The following PLXDC2 variants were observed in gnomAD, a reference collection of about 807,000 sequenced individuals.
PLXDC2 encodes the protein plexin domain-containing protein 2.
In PLXDC2, 40 loss-of-function variants were observed where a neutral mutation model predicts 68.9. The ratio of observed to expected loss-of-function variants is 0.58; its 90% CI spans 0.45 to 0.76. The LOEUF (loss-of-function observed/expected upper bound fraction) is 0.76. Among genes scored for constraint, PLXDC2 ranks in the 30% least tolerant of loss-of-function variants. The pLI, the probability that PLXDC2 is intolerant of heterozygous loss-of-function variation, is 0.00. For synonymous variants in PLXDC2, 243 were observed against 234.2 expected (o/e 1.04, Z -0.34); for missense variants, 644 against 661.9 (o/e 0.97, Z 0.30).
chr10:20,082,070 A>AAAAAAAAAAAAG (rs1554765383), intron 4 of PLXDC2, among the ~76,000 whole-genome samples: 1 of 121,932 alleles, frequency 8.2e-6, no homozygotes, highest in Non-Finnish European at 1.8e-5. Context: ...AAATCAAAAA[A>AAAAAAAAAAAAG]AAAAAACAGG....
intron 2 of PLXDC2, among the ~76,000 whole-genome samples, chr10:20,025,713 G>A (rs1835388630): frequency 6.6e-6 from 1 of 151,874 alleles, no homozygotes; most frequent in Admixed American, 6.6e-5. Flanking sequence ...TTCTATTCAA[G>A]TCTTTTGCCC....
intron 3 of PLXDC2, among the ~76,000 whole-genome samples, chr10:20,047,460 T>C (rs1378579683): frequency 6.6e-6 from 1 of 152,128 alleles, no homozygotes; most frequent in African/African-American, 2.4e-5. Context: ...TTAGATAACA[T>C]ATATAGACCA....
chr10:20,145,220 T>C (rs987484921), intron 5 of PLXDC2, among the ~76,000 whole-genome samples: 4 of 152,224 alleles, frequency 2.6e-5, no homozygotes, highest in African/African-American at 9.6e-5. Flanking sequence ...TTCTGTGTAA[T>C]GACTTATTCC....
chr10:19,915,677 TC>T (rs1469007878), intron 1 of PLXDC2, among the ~76,000 whole-genome samples: 1 of 152,086 alleles, frequency 6.6e-6, no homozygotes, highest in Non-Finnish European at 1.5e-5. Context: ...CATCTTGAGG[TC>T]CCTAGAAACT....
chr10:20,159,470 C>T (rs1564336744), intron 6 of PLXDC2, among the ~76,000 whole-genome samples: 1 of 152,078 alleles, frequency 6.6e-6, no homozygotes, highest in Non-Finnish European at 1.5e-5. Flanking sequence ...AGCATGGCAC[C>T]TTCTCTTACC....
intron 3 of PLXDC2, among the ~76,000 whole-genome samples, chr10:20,047,449 C>G (rs531674533): frequency 9.9e-5 from 15 of 151,926 alleles, no homozygotes; most frequent in African/African-American, 3.6e-4. Context: ...TCATTTATGA[C>G]TTAGATAACA....
intron 11 of PLXDC2, 54 bp downstream of exon 11, chr10:20,217,630 A>C: frequency 7.1e-7 from 1 of 1,417,122 alleles, no homozygotes; most frequent in Middle Eastern, 2.3e-4. Context: ...TTTTTCCCTG[A>C]AGGAAGGAAA....
chr10:20,124,145 A>T (rs1296216720), intron 4 of PLXDC2, among the ~76,000 whole-genome samples: 1 of 152,150 alleles, frequency 6.6e-6, no homozygotes, highest in Non-Finnish European at 1.5e-5. Flanking sequence ...CACCTCTGAA[A>T]CATGGGTAAA....
Position 20,243,469 on chromosome 10 carries a change from G to A in PLXDC2, c.1313-1876G>A, listed in dbSNP as rs1257514071. Reference sequence around the variant, plus strand: ...ATCTTTAGAATTTTCAGCCTTACTAGATTTGGAGAAGGATAACTGAACACC... The same window carrying A: ...ATCTTTAGAATTTTCAGCCTTACTAAATTTGGAGAAGGATAACTGAACACC... On this transcript the variant is annotated intron_variant, in intron 12 of 13. Transcript: ENST00000377252. Among the ~76,000 whole-genome samples, 4 of 152,042 alleles carry A rather than the reference G, an allele frequency of 2.6e-5. No individual in the cohort carries two copies. The South Asian group carries it at 8.3e-4, about 32-fold the overall frequency.
At chr10:20,184,456 C>A (rs559147191) in intron 9 of PLXDC2, among the ~76,000 whole-genome samples, 1 of 150,316 alleles carries the variant, frequency 6.7e-6, no homozygotes, top group African/African-American at 2.4e-5. Flanking sequence ...TATTATATTT[C>A]AAAAAATCTG....
At position 20,147,771 on chromosome 10, in the gene PLXDC2, A is replaced by C. The variant is rs774599186; in HGVS notation, c.665-13A>C. 1 of 1,477,200 alleles carries C rather than the reference A, an allele frequency of 6.8e-7. No homozygotes were observed. The highest frequency in any genetic ancestry group is 9.3e-7 in the Non-Finnish European group (1 of 1,071,510). 91.5% of individuals were successfully genotyped at this position (1,477,200 alleles called of 1,614,324 possible). ...TTCTCATTGCATTTCTTCTTTTTTCAATGGGTGTATAGGCACAGCACTTGT... is the reference window on the plus strand; with the variant it reads ...TTCTCATTGCATTTCTTCTTTTTTCCATGGGTGTATAGGCACAGCACTTGT... On this transcript the variant is annotated splice_polypyrimidine_tract_variant and intron_variant, in intron 5 of 13. Coordinates refer to ENST00000377252, the MANE Select transcript of PLXDC2 (RefSeq NM_032812.9).
chr10:19,841,676 G>A (rs1412410753), intron 1 of PLXDC2, among the ~76,000 whole-genome samples: 1 of 151,254 alleles, frequency 6.6e-6, no homozygotes, highest in East Asian at 2.0e-4. Flanking sequence ...AGAATAATAA[G>A]AACCTCTACC....
At chr10:20,203,993 A>G (rs1834957008) in intron 9 of PLXDC2, among the ~76,000 whole-genome samples, 1 of 150,412 alleles carries the variant, frequency 6.6e-6, no homozygotes, top group Non-Finnish European at 1.5e-5. Flanking sequence ...TTCATAAGTG[A>G]TCCTACAATA....
chr10:20,090,290 GC>G (rs1833259121), intron 4 of PLXDC2, among the ~76,000 whole-genome samples: 1 of 152,118 alleles, frequency 6.6e-6, no homozygotes, highest in Admixed American at 6.6e-5. Flanking sequence ...TCAAGTAACA[GC>G]AACTCTTTCT....
intron 1 of PLXDC2, among the ~76,000 whole-genome samples, chr10:19,894,104 A>G (rs549992978): frequency 1.2e-4 from 19 of 152,340 alleles, no homozygotes; most frequent in African/African-American, 4.6e-4. Context: ...ACCACAGGCT[A>G]TAGTGCAGAA....
At chr10:20,242,211 T>C (rs1835525568) in intron 12 of PLXDC2, among the ~76,000 whole-genome samples, 1 of 152,150 alleles carries the variant, frequency 6.6e-6, no homozygotes, top group African/African-American at 2.4e-5. Context: ...TGCGATAATA[T>C]AAGCATACAT....
intron 13 of PLXDC2, among the ~76,000 whole-genome samples, chr10:20,260,277 C>G (rs1341483339): frequency 6.6e-6 from 1 of 152,166 alleles, no homozygotes; most frequent in East Asian, 1.9e-4. Context: ...AGTCCTCATG[C>G]TGTCATTAAA....
intron 2 of PLXDC2, among the ~76,000 whole-genome samples, chr10:20,004,414 C>T (rs1410528579): frequency 6.6e-6 from 1 of 152,118 alleles, no homozygotes; most frequent in Non-Finnish European, 1.5e-5. Flanking sequence ...GTTATAGCAA[C>T]TTGGGGTAGG....
chr10:20,145,761 G>A (rs1402381559), intron 5 of PLXDC2, among the ~76,000 whole-genome samples: 1 of 151,928 alleles, frequency 6.6e-6, no homozygotes, highest in African/African-American at 2.4e-5. Context: ...CACCGTGTTA[G>A]CCAGGATGGT....
Sources: allele counts gnomAD v4.1 joint callset (sites outside exome capture counted in the v4.1 genomes callset), GRCh38; gene constraint gnomAD v4.1.1; transcripts MANE v1.5; gene names NCBI Gene and HGNC (gene_info 2026-07-23, HGNC 2026-07-21).